SYN3: variants seen among roughly 807,000 people sequenced by gnomAD.
The protein encoded by SYN3 is synapsin-3.
In SYN3, 35 loss-of-function variants were observed where a neutral mutation model predicts 65.8. The ratio of observed to expected loss-of-function variants is 0.53; its 90% CI spans 0.41 to 0.70. The LOEUF (loss-of-function observed/expected upper bound fraction) is 0.70, where lower values mean the gene tolerates loss of function less well. Among genes scored for constraint, SYN3 ranks in the 30% least tolerant of loss-of-function variants. SYN3 has a pLI of 0.00. For synonymous variants in SYN3, 270 were observed against 292.9 expected, an observed-to-expected ratio of 0.92 and a Z score of 0.80; for missense variants, 680 against 749.0, an observed-to-expected ratio of 0.91 and a Z score of 1.08.
chr22:32,925,946 G>T (rs907967863), intron 4 of SYN3, among the ~76,000 whole-genome samples: 1 of 144,850 alleles, frequency 6.9e-6, no homozygotes, highest in Non-Finnish European at 1.5e-5. Flanking sequence ...TCCGCTCCCA[G>T]GTTCAAGTGA....
chr22:32,706,274 A>C (rs1871202587), intron 6 of SYN3, among the ~76,000 whole-genome samples: 1 of 152,184 alleles, frequency 6.6e-6, no homozygotes, highest in South Asian at 2.1e-4. Context: ...ATTGAATTGC[A>C]GAAAACAGTG....
chr22:33,019,801 G>A (rs1384004520), intron 1 of SYN3, among the ~76,000 whole-genome samples: 4 of 152,084 alleles, frequency 2.6e-5, no homozygotes, highest in Non-Finnish European at 4.4e-5. Flanking sequence ...TGTATTTTTT[G>A]TAGAGGAGGG....
chr22:32,611,519 C>T (rs1040078888), intron 6 of SYN3, among the ~76,000 whole-genome samples: 98 of 152,114 alleles, frequency 6.4e-4, no homozygotes, highest in Non-Finnish European at 1.1e-3. Flanking sequence ...GTCTCGAACT[C>T]CTGACCTCGT....
chr22:33,015,221 A>C (rs1011550476), intron 1 of SYN3: 7 of 195,288 alleles, frequency 3.6e-5, no homozygotes, highest in Non-Finnish European at 4.2e-5. Context: ...ACTCCGTCTC[A>C]AAAAAAAAAA....
At chr22:32,970,532 G>A (rs901258788) in intron 3 of SYN3, among the ~76,000 whole-genome samples, 1 of 145,836 alleles carries the variant, frequency 6.9e-6, no homozygotes, top group East Asian at 2.0e-4. Flanking sequence ...CTGGGCAACA[G>A]AGCGAGACTC....
intron 6 of SYN3, among the ~76,000 whole-genome samples, chr22:32,628,926 G>A (rs1396281276): frequency 3.3e-5 from 5 of 152,166 alleles, no homozygotes; most frequent in African/African-American, 1.2e-4. Flanking sequence ...TCTCCCAGGT[G>A]CCCTGTTGGG....
At chr22:32,917,338 G>A (rs956763944) in intron 4 of SYN3, among the ~76,000 whole-genome samples, 7 of 152,104 alleles carry the variant, frequency 4.6e-5, no homozygotes, top group Non-Finnish European at 1.0e-4. Context: ...ATCAGAACTG[G>A]AGACCTACTC....
chr22:32,762,234 C>T (rs1019544653), intron 6 of SYN3, among the ~76,000 whole-genome samples: 4 of 152,156 alleles, frequency 2.6e-5, no homozygotes, highest in Non-Finnish European at 1.5e-5. Context: ...CTGGCATCCT[C>T]TTGCTCCTGT....
intron 6 of SYN3, among the ~76,000 whole-genome samples, chr22:32,756,172 A>G (rs1026623583): frequency 3.9e-5 from 6 of 152,104 alleles, no homozygotes; most frequent in African/African-American, 1.4e-4. Flanking sequence ...ATACCTGTGT[A>G]ACAAACCTGC....
intron 6 of SYN3, among the ~76,000 whole-genome samples, chr22:32,604,298 A>T (rs1259136726): frequency 6.6e-6 from 1 of 152,232 alleles, no homozygotes; most frequent in East Asian, 1.9e-4. Flanking sequence ...TCCTGCCTCC[A>T]AGGCTCTGCC....
chr22:32,941,654 G>A (rs1242509454), intron 3 of SYN3, among the ~76,000 whole-genome samples: 2 of 152,260 alleles, frequency 1.3e-5, no homozygotes, highest in South Asian at 2.1e-4. Flanking sequence ...GCGAGGCATC[G>A]CCTCACCCGG....
chr22:32,948,972 C>A (rs1373769928), intron 3 of SYN3, among the ~76,000 whole-genome samples: 1 of 151,510 alleles, frequency 6.6e-6, no homozygotes, highest in Non-Finnish European at 1.5e-5. Flanking sequence ...ATGCTTGGGA[C>A]CAGAAGTGTT....
intron 4 of SYN3, among the ~76,000 whole-genome samples, chr22:32,882,169 G>A (rs1325461124): frequency 1.3e-5 from 2 of 152,034 alleles, no homozygotes; most frequent in Admixed American, 1.3e-4. Flanking sequence ...GGTCTTCCCT[G>A]ACAAGCTGCG....
intron 6 of SYN3, among the ~76,000 whole-genome samples, chr22:32,607,036 A>G (rs2858743): frequency 0.34 from 45,001 of 132,694 alleles, 7,361 homozygotes; most frequent in South Asian, 0.42. Flanking sequence ...ACAGGCCCCT[A>G]TGTGTGATGT....
At chr22:32,974,546 C>T (rs990324730) in intron 3 of SYN3, among the ~76,000 whole-genome samples, 2 of 152,152 alleles carry the variant, frequency 1.3e-5, no homozygotes, top group Non-Finnish European at 2.9e-5. Flanking sequence ...CCTTAGTTTC[C>T]CTTACTCCAA....
At chr22:32,990,387 CCCATCCAT>C (rs1197278336) in intron 2 of SYN3, among the ~76,000 whole-genome samples, 1 of 137,824 alleles carries the variant, frequency 7.3e-6, no homozygotes. Flanking sequence ...CATCCATCCA[CCCATCCAT>C]CCATCCATCC....
intron 1 of SYN3, among the ~76,000 whole-genome samples, chr22:33,054,144 CTCT>C (rs374947319): frequency 1.2e-4 from 18 of 152,068 alleles, no homozygotes; most frequent in African/African-American, 4.3e-4. Context: ...TTTTCTCCTC[CTCT>C]CTCTCTCACA....
rs1429273362 is a variant in SYN3 at position 32,509,211 on chromosome 22, G to A, written c.*4481C>T. Reference sequence around the variant, plus strand: ...TTTTCTGTGGCTGGTAGAGCTGTCCGCTAAGGCTGCGTTTTTAAATCCCTG... The same window carrying A: ...TTTTCTGTGGCTGGTAGAGCTGTCCACTAAGGCTGCGTTTTTAAATCCCTG... On this transcript the variant is annotated 3_prime_UTR_variant, in exon 14 of 14. Coordinates refer to ENST00000358763, the MANE Select transcript of SYN3 (RefSeq NM_003490.4). 1.3e-5 allele frequency among the ~76,000 whole-genome samples: 2 copies of A among 152,168 alleles called. No homozygotes were observed. Among genetic ancestry groups the A allele is most frequent in the African/African-American group, 4.8e-5 (2 of 41,436 alleles).
intron 1 of SYN3, among the ~76,000 whole-genome samples, chr22:33,031,376 C>G: frequency 6.6e-6 from 1 of 152,080 alleles, no homozygotes; most frequent in East Asian, 1.9e-4. Context: ...CCCTTCCTCT[C>G]ACCTCCCAGA....
Sources: allele counts gnomAD v4.1 joint callset (sites outside exome capture counted in the v4.1 genomes callset), GRCh38; gene constraint gnomAD v4.1.1; transcripts MANE v1.5; gene names NCBI Gene and HGNC (gene_info 2026-07-23, HGNC 2026-07-21).